The following VAV2 variants were observed in gnomAD, a reference collection of about 807,000 sequenced individuals.
VAV2 encodes vav guanine nucleotide exchange factor 2.
Under a neutral mutation model 132.5 loss-of-function variants are expected in VAV2, and 67 were observed. The ratio of observed to expected loss-of-function variants is 0.51; its 90% CI spans 0.42 to 0.62. The LOEUF is 0.62. VAV2 is among the 20% of genes least tolerant of loss of function. The pLI, the probability that VAV2 is intolerant of heterozygous loss-of-function variation, is 0.00. For synonymous variants in VAV2, 492 were observed against 443.5 expected (o/e 1.11, Z -1.37); for missense variants, 938 against 1,153.6 (o/e 0.81, Z 2.71).
chr9:133,992,216 G>T lies in VAV2; in HGVS notation c.63C>A (p.His21Gln). 1.3e-6 allele frequency: 2 copies of T among 1,594,498 alleles called. No homozygotes were observed. The highest frequency in any genetic ancestry group is 1.7e-6 in the Non-Finnish European group (2 of 1,171,126). The change falls in exon 1 of 30, where the codon CAC (histidine) becomes CAA (glutamine). Residue 21 changes from histidine to glutamine, a missense_variant. His to Gln is a conservative substitution (Grantham distance 24). Coordinates refer to ENST00000371850, the MANE Select transcript of VAV2 (RefSeq NM_001134398.2). The surrounding 1 kb of genome is among the most constrained non-coding windows in gnomAD (Gnocchi z 5.5). The stretch of plus-strand genomic sequence containing the variant: ...CCACGGCCGAGGGCCACACCACCCG[G>T]TGGTTGGGCGGCAGGACCTTGCAAT... The part of the protein sequence containing the change: ...LIDCKVLPPN[H>Q]RVVWPSAVVF...
chr9:133,782,738 C>G (rs934453925), intron 19 of VAV2, among the ~76,000 whole-genome samples: 4 of 152,198 alleles, frequency 2.6e-5, no homozygotes, highest in Non-Finnish European at 5.9e-5. Flanking sequence ...AGAAGCTCTG[C>G]TAATAAGTGT....
intron 2 of VAV2, among the ~76,000 whole-genome samples, chr9:133,916,043 ACT>A (rs1329514283): frequency 6.6e-6 from 1 of 152,106 alleles, no homozygotes; most frequent in African/African-American, 2.4e-5. Context: ...ACCCATGCAC[ACT>A]CACACACAAT....
chr9:133,879,176 C>T lies in VAV2; in HGVS notation c.322-17744G>A, dbSNP rs138859123. On this transcript the variant is annotated intron_variant, in intron 2 of 29. Coordinates refer to ENST00000371850, the MANE Select transcript of VAV2 (RefSeq NM_001134398.2). This position sits in a 1 kb window ranked among gnomAD's most constrained non-coding sequence, Gnocchi z 4.4. Reference sequence around the variant, plus strand: ...CTCGCAGCAGTGCCGGAGCTCTCTGCGCCCCAGGCCCTCCTCTGTAACGAG... The same window carrying T: ...CTCGCAGCAGTGCCGGAGCTCTCTGTGCCCCAGGCCCTCCTCTGTAACGAG... 1.0e-3 allele frequency among the ~76,000 whole-genome samples: 152 copies of T among 152,348 alleles called. No individual in the cohort carries two copies. Among genetic ancestry groups the T allele is most frequent in the African/African-American group, 3.0e-3 (123 of 41,578 alleles).
intron 3 of VAV2, among the ~76,000 whole-genome samples, chr9:133,848,804 T>C (rs1380824316): frequency 2.0e-5 from 3 of 152,210 alleles, no homozygotes. Flanking sequence ...GCCCATCCCA[T>C]GGCAGCCTGG....
At chr9:133,814,630 C>T (rs938294846) in intron 4 of VAV2, among the ~76,000 whole-genome samples, 2 of 152,236 alleles carry the variant, frequency 1.3e-5, no homozygotes, top group African/African-American at 4.8e-5. Flanking sequence ...GGCTGCAAGC[C>T]GGACCTGGAC....
Position 133,916,326 on chromosome 9 carries a change from C to T in VAV2, c.321+22777G>A, listed in dbSNP as rs56074277. On this transcript the variant is annotated intron_variant, in intron 2 of 29. Coordinates refer to ENST00000371850, the MANE Select transcript of VAV2 (RefSeq NM_001134398.2). The stretch of plus-strand genomic sequence containing the variant: ...TTGCCCGCGGAGCCTGTGACTTGCG[C>T]TGAATGCTAACTGACAGTGATTCAC... Among the ~76,000 whole-genome samples the T allele has an allele frequency of 6.2e-3, 938 of 152,374 alleles. 9 individuals carry two copies. Among genetic ancestry groups the T allele is most frequent in the Middle Eastern group, 0.01 (3 of 292 alleles).
chr9:133,780,401 C>T (rs937462315), intron 20 of VAV2, among the ~76,000 whole-genome samples: 5 of 152,276 alleles, frequency 3.3e-5, no homozygotes, highest in East Asian at 1.9e-4. Context: ...CTGGGGGACT[C>T]GGGGGCAGGA....
chr9:133,908,372 C>T lies in VAV2; in HGVS notation c.321+30731G>A, dbSNP rs577910221. Among the ~76,000 whole-genome samples, 543 of 152,174 alleles carry T rather than the reference C, an allele frequency of 3.6e-3. 6 individuals are homozygous for T. The highest frequency in any genetic ancestry group is 6.0e-3 in the Non-Finnish European group (409 of 67,992). ...ACACCCAAAGCTGAAACCCCCCATGCGAGGCCAGTGGGCACCCTGTCCTTC... is the reference window on the plus strand; with the variant it reads ...ACACCCAAAGCTGAAACCCCCCATGTGAGGCCAGTGGGCACCCTGTCCTTC... On this transcript the variant is annotated intron_variant, in intron 2 of 29. Coordinates refer to ENST00000371850, the MANE Select transcript of VAV2 (RefSeq NM_001134398.2).
intron 12 of VAV2, among the ~76,000 whole-genome samples, chr9:133,793,097 A>T (rs1406935501): frequency 2.6e-5 from 4 of 151,914 alleles, no homozygotes; most frequent in Non-Finnish European, 5.9e-5. Context: ...GGGGTCAGGA[A>T]GTCCCTCTCT....
intron 13 of VAV2, among the ~76,000 whole-genome samples, chr9:133,790,231 C>G (rs557850089): frequency 6.6e-6 from 1 of 152,328 alleles, no homozygotes; most frequent in African/African-American, 2.4e-5. Flanking sequence ...GGCTGGAGTG[C>G]AGTGGCGCAA....
At chr9:133,796,128 C>T (rs1054582761) in intron 11 of VAV2, among the ~76,000 whole-genome samples, 1 of 152,232 alleles carries the variant, frequency 6.6e-6, no homozygotes, top group African/African-American at 2.4e-5. Context: ...CTGCCATGGC[C>T]ACCAGGAAGC....
At chr9:133,784,241 T>C (rs1448232521) in intron 18 of VAV2, 76 bp downstream of exon 18, 16 of 1,486,266 alleles carry the variant, frequency 1.1e-5, no homozygotes, top group East Asian at 2.3e-5. Flanking sequence ...ATGGGACAGA[T>C]AGAACACTAA....
chr9:133,818,298 A>G (rs921050516), intron 4 of VAV2, among the ~76,000 whole-genome samples: 22 of 151,330 alleles, frequency 1.5e-4, no homozygotes, highest in Admixed American at 6.6e-5. Context: ...CCTGGGAGGC[A>G]GAGCTTGCAG....
intron 1 of VAV2, among the ~76,000 whole-genome samples, chr9:133,962,619 C>T (rs1009391774): frequency 1.3e-5 from 2 of 152,170 alleles, no homozygotes; most frequent in East Asian, 1.9e-4. Flanking sequence ...AGCCCCTCCC[C>T]GCCCCACCCC....
intron 4 of VAV2, among the ~76,000 whole-genome samples, chr9:133,815,791 C>A (rs1474205450): frequency 6.6e-6 from 1 of 151,972 alleles, no homozygotes; most frequent in Non-Finnish European, 1.5e-5. Context: ...CGTGTGTATG[C>A]ACGCACGCCT....
intron 3 of VAV2, among the ~76,000 whole-genome samples, chr9:133,841,709 C>T (rs952517585): frequency 2.0e-5 from 3 of 152,218 alleles, no homozygotes; most frequent in African/African-American, 4.8e-5. Context: ...AAGGCTTCTG[C>T]AGGTAATGGG....
intron 3 of VAV2, among the ~76,000 whole-genome samples, chr9:133,844,266 G>A (rs981583194): frequency 7.9e-5 from 12 of 152,132 alleles, no homozygotes; most frequent in African/African-American, 2.2e-4. Flanking sequence ...AGGGAACCTC[G>A]GCTGGCACCG....
intron 3 of VAV2, among the ~76,000 whole-genome samples, chr9:133,849,863 T>A (rs904491220): frequency 6.6e-6 from 1 of 152,136 alleles, no homozygotes; most frequent in African/African-American, 2.4e-5. Flanking sequence ...CCCAACCAGG[T>A]AATTCAGGAT....
At chr9:133,923,536 C>T (rs1211597761) in intron 2 of VAV2, among the ~76,000 whole-genome samples, 1 of 152,196 alleles carries the variant, frequency 6.6e-6, no homozygotes, top group Non-Finnish European at 1.5e-5. Flanking sequence ...CGCTTTTACA[C>T]TGTTGGTGGG....
Sources: allele counts gnomAD v4.1 joint callset (sites outside exome capture counted in the v4.1 genomes callset), GRCh38; gene constraint gnomAD v4.1.1; non-coding constraint Gnocchi (gnomAD v3.1); transcripts MANE v1.5; gene names NCBI Gene and HGNC (gene_info 2026-07-23, HGNC 2026-07-21).